The following PDGFC variants were observed in gnomAD, a reference collection of about 807,000 sequenced individuals.
The protein encoded by PDGFC is platelet derived growth factor C, also known as platelet-derived growth factor C.
In PDGFC, 12 loss-of-function variants were observed where a neutral mutation model predicts 35.5. The ratio of observed to expected loss-of-function variants is 0.34; its 90% CI spans 0.22 to 0.55. The LOEUF (loss-of-function observed/expected upper bound fraction) is 0.55, where lower values mean the gene tolerates loss of function less well. Ranked by LOEUF, PDGFC falls within the 20% of genes least tolerant of loss-of-function variation. The probability of loss-of-function intolerance (pLI) is 0.91; values close to 1 mark genes in which losing one functional copy is unlikely to be tolerated. For synonymous variants in PDGFC, 159 were observed against 148.8 expected (o/e 1.07, Z -0.50); for missense variants, 322 against 412.4 (o/e 0.78, Z 1.90).
intron 1 of PDGFC, among the ~76,000 whole-genome samples, chr4:156,888,627 C>T (rs2111188659): frequency 6.6e-6 from 1 of 152,230 alleles, no homozygotes; most frequent in Middle Eastern, 3.4e-3. Flanking sequence ...CTTTGATTTC[C>T]TCTCAAAACA....
At chr4:156,946,201 C>A (rs954252929) in intron 1 of PDGFC, among the ~76,000 whole-genome samples, 34 of 151,742 alleles carry the variant, frequency 2.2e-4, no homozygotes, top group African/African-American at 8.0e-4. Flanking sequence ...AGAGAGGAAA[C>A]AACTTTAAAA....
intron 1 of PDGFC, among the ~76,000 whole-genome samples, chr4:156,895,062 C>A (rs530504713): frequency 6.6e-6 from 1 of 152,164 alleles, no homozygotes; most frequent in East Asian, 1.9e-4. Context: ...TATCACACTT[C>A]TCCTGTTCCT....
chr4:156,919,603 G>C (rs962381061), intron 1 of PDGFC, among the ~76,000 whole-genome samples: 5 of 152,082 alleles, frequency 3.3e-5, no homozygotes, highest in African/African-American at 9.7e-5. Context: ...AAGAAGCTGA[G>C]GACCAGAGAG....
chr4:156,829,870 C>T (rs970864211), intron 2 of PDGFC, among the ~76,000 whole-genome samples: 2 of 152,078 alleles, frequency 1.3e-5, no homozygotes, highest in African/African-American at 4.8e-5. Flanking sequence ...ATCAATCGTG[C>T]ATCACTTCTC....
intron 3 of PDGFC, among the ~76,000 whole-genome samples, chr4:156,801,676 T>C (rs958191387): frequency 3.3e-5 from 5 of 152,196 alleles, no homozygotes. Context: ...AGTCAATCTT[T>C]AATATGCACA....
intron 3 of PDGFC, among the ~76,000 whole-genome samples, chr4:156,785,223 C>T (rs1220049373): frequency 6.6e-6 from 1 of 152,092 alleles, no homozygotes; most frequent in Non-Finnish European, 1.5e-5. Context: ...GAGACGGAGT[C>T]TCACTCTGTC....
chr4:156,930,800 C>T (rs899422270), intron 1 of PDGFC, among the ~76,000 whole-genome samples: 16 of 152,052 alleles, frequency 1.1e-4, no homozygotes, highest in African/African-American at 2.9e-4. Context: ...CCAGGAAGGC[C>T]GGAGGTTGCA....
rs1402914615 is a variant in PDGFC at position 156,809,775 on chromosome 4, A to G, written c.495+1062T>C. On this transcript the variant is annotated intron_variant, in intron 3 of 5. Coordinates refer to ENST00000502773, the MANE Select transcript of PDGFC (RefSeq NM_016205.3). ...TTTGTGTTTTATTCTATAGGAGGAC[A>G]GTAGATTGCTATTTATACACATTTA... 3.3e-5 allele frequency among the ~76,000 whole-genome samples: 5 copies of G among 152,058 alleles called. No individual in the cohort carries two copies. In the East Asian group the frequency reaches 9.6e-4, roughly 29 times the overall value.
chr4:156,862,594 C>T (rs1165077789), intron 1 of PDGFC, among the ~76,000 whole-genome samples: 1 of 151,844 alleles, frequency 6.6e-6, no homozygotes, highest in Non-Finnish European at 1.5e-5. Flanking sequence ...AGAGAATGGA[C>T]ATTACACAAA....
intron 2 of PDGFC, among the ~76,000 whole-genome samples, chr4:156,818,075 T>A (rs1019639150): frequency 4.8e-5 from 7 of 145,016 alleles, no homozygotes; most frequent in South Asian, 2.3e-4. Context: ...AAAAAAAAAA[T>A]TCTAGGCTAA....
At chr4:156,959,470 G>GA (rs1560891454) in intron 1 of PDGFC, among the ~76,000 whole-genome samples, 1 of 151,834 alleles carries the variant, frequency 6.6e-6, no homozygotes, top group East Asian at 1.9e-4. Context: ...TTTTGTTTAA[G>GA]AGTGTTTGAA....
At chr4:156,912,431 G>C (rs1731059666) in intron 1 of PDGFC, among the ~76,000 whole-genome samples, 1 of 152,188 alleles carries the variant, frequency 6.6e-6, no homozygotes, top group Non-Finnish European at 1.5e-5. Context: ...AAGTGGTCAG[G>C]GTTCTCGAGG....
intron 1 of PDGFC, among the ~76,000 whole-genome samples, chr4:156,902,875 G>A (rs559573046): frequency 9.2e-5 from 14 of 152,008 alleles, no homozygotes; most frequent in Non-Finnish European, 2.1e-4. Context: ...TTACGTCCCT[G>A]TAAAATTCTT....
chr4:156,877,556 C>A (rs985955709), intron 1 of PDGFC, among the ~76,000 whole-genome samples: 5 of 152,118 alleles, frequency 3.3e-5, no homozygotes, highest in Non-Finnish European at 1.5e-5. Flanking sequence ...TATATTAAAT[C>A]AAGTACCAGT....
intron 3 of PDGFC, chr4:156,779,247 G>A (rs1328806851): frequency 1.1e-5 from 5 of 447,274 alleles, no homozygotes; most frequent in Admixed American, 2.4e-5. Context: ...CATTCAAAAA[G>A]TTATCTGGGT....
At chr4:156,818,059 T>TA (rs35689376) in intron 2 of PDGFC, among the ~76,000 whole-genome samples, 2,043 of 132,888 alleles carry the variant, frequency 0.015, 16 homozygotes, top group Non-Finnish European at 0.018. Context: ...TACTCCGTCT[T>TA]AAAAAAAAAA....
At chr4:156,897,399 G>A (rs926115727) in intron 1 of PDGFC, among the ~76,000 whole-genome samples, 9 of 143,026 alleles carry the variant, frequency 6.3e-5, no homozygotes, top group South Asian at 2.2e-4. Flanking sequence ...GCATTATTTC[G>A]AACTCAACAC....
chr4:156,904,444 T>G lies in PDGFC; in HGVS notation c.119-54028A>C, dbSNP rs546489665. On this transcript the variant is annotated intron_variant, in intron 1 of 5. Transcript: ENST00000502773. ...ATAAAATAACACCTGGGAAGTGTCC[T>G]GCACTTATTTCTCTTGTCCATAGAA... Among the ~76,000 whole-genome samples, 5 of 152,188 alleles carry G rather than the reference T, an allele frequency of 3.3e-5. No homozygotes were observed. In the South Asian group the frequency reaches 1.0e-3, roughly 32 times the overall value.
intron 1 of PDGFC, among the ~76,000 whole-genome samples, chr4:156,891,088 T>C (rs779281829): frequency 1.3e-5 from 2 of 151,970 alleles, no homozygotes; most frequent in Non-Finnish European, 2.9e-5. Flanking sequence ...GCTTTTTGGC[T>C]ACAAACCTGT....
Sources: allele counts gnomAD v4.1 joint callset (sites outside exome capture counted in the v4.1 genomes callset), GRCh38; gene constraint gnomAD v4.1.1; transcripts MANE v1.5; gene names NCBI Gene and HGNC (gene_info 2026-07-23, HGNC 2026-07-21).